ZNF727: variants seen among roughly 807,000 people sequenced by gnomAD.
The protein encoded by ZNF727 is zinc finger protein 727.
Under a neutral mutation model 11.5 loss-of-function variants are expected in ZNF727, and 11 were observed. That is an observed-to-expected ratio of 0.95 (90% confidence interval 0.60 to 1.58). The LOEUF is 1.58. Among genes scored for constraint, ZNF727 ranks in the 40% most tolerant of loss-of-function variants. The probability of loss-of-function intolerance (pLI) is 0.00; values close to 1 mark genes in which losing one functional copy is unlikely to be tolerated. For synonymous variants in ZNF727, 171 were observed against 196.1 expected (o/e 0.87, Z 1.07); for missense variants, 533 against 581.7 (o/e 0.92, Z 0.86).
At chr7:64,048,026 T>C (rs1309504253) in intron 1 of ZNF727, among the ~76,000 whole-genome samples, 1 of 152,110 alleles carries the variant, frequency 6.6e-6, no homozygotes, top group Non-Finnish European at 1.5e-5. Flanking sequence ...AGAATGGGGG[T>C]GGGAGAATCT....
At chr7:64,046,943 T>C (rs1268117579) in intron 1 of ZNF727, among the ~76,000 whole-genome samples, 1 of 152,158 alleles carries the variant, frequency 6.6e-6, no homozygotes, top group Non-Finnish European at 1.5e-5. Context: ...TAGAGCTTTA[T>C]TGGCAGCTTG....
chr7:64,053,574 C>T (rs1448076637), intron 1 of ZNF727, among the ~76,000 whole-genome samples: 3 of 152,044 alleles, frequency 2.0e-5, no homozygotes, highest in Non-Finnish European at 4.4e-5. Context: ...CCACCTCAGC[C>T]TCCCAAAGTG....
At chr7:64,073,568 C>A (rs2116321796) in intron 3 of ZNF727, among the ~76,000 whole-genome samples, 1 of 151,802 alleles carries the variant, frequency 6.6e-6, no homozygotes, top group South Asian at 2.1e-4. Context: ...AAATTTATTT[C>A]TTTAAGTGGG....
chr7:64,061,156 A>G (rs1463354551), intron 1 of ZNF727, among the ~76,000 whole-genome samples: 1 of 152,144 alleles, frequency 6.6e-6, no homozygotes, highest in Non-Finnish European at 1.5e-5. Context: ...TGGCTTTTTG[A>G]TGAAATTCTT....
chr7:64,069,507 A>G lies in ZNF727; in HGVS notation c.131-7A>G, dbSNP rs776858218. On this transcript the variant is annotated splice_polypyrimidine_tract_variant and splice_region_variant and intron_variant, in intron 2 of 3. Coordinates refer to ENST00000456806, the MANE Select transcript of ZNF727 (RefSeq NM_001159522.3). ...AAGAGTCATGTTATTTTTTTCTAAT[A>G]AAACAGGTCTTGCTATCTTTAAGCC... is the stretch of plus-strand genomic sequence containing the variant. The G allele has an allele frequency of 2.6e-6, 4 of 1,549,130 alleles. No individual in the cohort carries two copies. Among genetic ancestry groups the G allele is most frequent in the South Asian group, 2.4e-5 (2 of 84,286 alleles).
At chr7:64,067,113 A>G (rs1789881237) in intron 1 of ZNF727, among the ~76,000 whole-genome samples, 1 of 144,340 alleles carries the variant, frequency 6.9e-6, no homozygotes, top group Non-Finnish European at 1.5e-5. Flanking sequence ...TTTTCAAAAG[A>G]AGACATTTAT....
At chr7:64,049,870 C>G (rs1377583556) in intron 1 of ZNF727, among the ~76,000 whole-genome samples, 1 of 151,436 alleles carries the variant, frequency 6.6e-6, no homozygotes, top group Non-Finnish European at 1.5e-5. Flanking sequence ...AAACACATTA[C>G]AAAACAATTA....
intron 1 of ZNF727, among the ~76,000 whole-genome samples, chr7:64,051,406 C>CT (rs1789595878): frequency 1.3e-5 from 2 of 152,154 alleles, no homozygotes; most frequent in Non-Finnish European, 2.9e-5. Flanking sequence ...TCTCAGCTTA[C>CT]CATCTGCCCA....
intron 1 of ZNF727, among the ~76,000 whole-genome samples, chr7:64,049,917 T>C (rs1789564642): frequency 6.6e-6 from 1 of 151,630 alleles, no homozygotes; most frequent in Non-Finnish European, 1.5e-5. Flanking sequence ...CATTTACATC[T>C]GTTTTATTTA....
chr7:64,076,560 C>T (rs2116326915), intron 3 of ZNF727, among the ~76,000 whole-genome samples: 1 of 152,154 alleles, frequency 6.6e-6, no homozygotes, highest in Non-Finnish European at 1.5e-5. Flanking sequence ...CACCACTGCA[C>T]TCCAGTCTGG....
At position 64,081,682 on chromosome 7, in the gene ZNF727, A is replaced by G. The variant is rs1785795455; in HGVS notation, c.*3133A>G. Among the ~76,000 whole-genome samples the G allele has an allele frequency of 6.6e-6, 1 of 152,068 alleles. No homozygotes were observed. Among genetic ancestry groups the G allele is most frequent in the Non-Finnish European group, 1.5e-5 (1 of 68,006 alleles). ...TGTGGCCAGACTGGATCCCTGGGAG[A>G]GGCCAGCAGACCAAGGAGTGCTCAG... On this transcript the variant is annotated 3_prime_UTR_variant, in exon 4 of 4. Transcript: ENST00000456806.
chr7:64,054,154 A>G (rs1349865512), intron 1 of ZNF727, among the ~76,000 whole-genome samples: 5 of 152,144 alleles, frequency 3.3e-5, no homozygotes, highest in African/African-American at 1.2e-4. Context: ...AACGAAAGCC[A>G]TGCCCTGGAT....
intron 1 of ZNF727, among the ~76,000 whole-genome samples, chr7:64,066,230 A>G (rs984530824): frequency 6.6e-6 from 1 of 152,210 alleles, no homozygotes; most frequent in African/African-American, 2.4e-5. Context: ...CATACTGTCC[A>G]AAGTAATTTA....
intron 1 of ZNF727, among the ~76,000 whole-genome samples, chr7:64,052,502 G>A (rs1789616640): frequency 6.6e-6 from 1 of 152,018 alleles, no homozygotes; most frequent in South Asian, 2.1e-4. Context: ...TTGATGCAGG[G>A]GTGTGGCCCT....
chr7:64,064,712 A>G (rs1164991262), intron 1 of ZNF727, among the ~76,000 whole-genome samples: 3 of 152,146 alleles, frequency 2.0e-5, no homozygotes, highest in Non-Finnish European at 4.4e-5. Flanking sequence ...CGGCTACCTG[A>G]AACTAAAGTT....
rs948792818 is a variant in ZNF727, at chr7:64,079,526, T to C, written c.*977T>C. Among the ~76,000 whole-genome samples the C allele has an allele frequency of 6.6e-6, 1 of 152,202 alleles. No homozygotes were observed. Among genetic ancestry groups the C allele is most frequent in the African/African-American group, 2.4e-5 (1 of 41,450 alleles). On this transcript the variant is annotated 3_prime_UTR_variant, in exon 4 of 4. Coordinates refer to ENST00000456806, the MANE Select transcript of ZNF727 (RefSeq NM_001159522.3). The stretch of plus-strand genomic sequence containing the variant: ...TTGTAATCCTTGCTTTTTTACTGTT[T>C]TCTATTTGCTTGGTAGACTTTTCCC...
At chr7:64,065,776 G>T (rs888765283) in intron 1 of ZNF727, among the ~76,000 whole-genome samples, 5 of 152,072 alleles carry the variant, frequency 3.3e-5, no homozygotes, top group Admixed American at 6.6e-5. Context: ...ATAGTCAAGG[G>T]GCTCTGAGAA....
Position 64,062,685 on chromosome 7 carries a change from A to AATATATATATATATATAT in ZNF727, c.4-6205_4-6188dup, listed in dbSNP as rs71057374. Among the ~76,000 whole-genome samples the AATATATATATATATATAT allele has an allele frequency of 6.3e-3, 570 of 89,942 alleles. 43 individuals carry two copies. Among genetic ancestry groups the AATATATATATATATATAT allele is most frequent in the South Asian group, 0.01 (29 of 2,826 alleles). The allele number at this position is 89,942 out of a possible 152,430, so 59.0% of individuals were successfully genotyped here. A position where few individuals can be genotyped will look rare whatever the true frequency, so the allele number is the denominator to read the frequency against. On this transcript the variant is annotated intron_variant, in intron 1 of 3. Transcript: ENST00000456806. ...GCATTCTATAACCTTCTTGTACTTG[A>AATATATATATATATATAT]ATATATATATATATATATGAAGTTC...
At position 64,085,022 on chromosome 7, in the gene ZNF727, C is replaced by CTT. The variant is rs34259526; in HGVS notation, c.*6479_*6480dup. 1.3e-5 allele frequency among the ~76,000 whole-genome samples: 2 copies of CTT among 151,732 alleles called. No individual in the cohort carries two copies. Among genetic ancestry groups the CTT allele is most frequent in the South Asian group, 2.1e-4 (1 of 4,820 alleles). On this transcript the variant is annotated 3_prime_UTR_variant, in exon 4 of 4. Coordinates refer to ENST00000456806, the MANE Select transcript of ZNF727 (RefSeq NM_001159522.3). ...GACTTAGAATCATCTTTTGCAAATT[C>CTT]TTTTTTTGTTTGTTTGTCTGTTTTC...
Sources: gnomAD v4.1 joint callset for allele counts (sites outside exome capture counted in the v4.1 genomes callset) on GRCh38, gnomAD v4.1.1 for gene constraint, MANE v1.5 for transcripts, NCBI Gene and HGNC (gene_info 2026-07-23, HGNC 2026-07-21) for gene names.